Variants in KCNQ1 observed in about 807,000 individuals in gnomAD.
The protein encoded by KCNQ1 is potassium voltage-gated channel subfamily KQT member 1.
KCNQ1 carries 49 observed loss-of-function variants against 72.4 expected under a neutral mutation model. The ratio of observed to expected loss-of-function variants is 0.68; its 90% confidence interval spans 0.54 to 0.86. KCNQ1 has a LOEUF of 0.86. Ranked by LOEUF, KCNQ1 falls within the 40% of genes least tolerant of loss-of-function variation. The probability of loss-of-function intolerance (pLI) is 0.00; values close to 1 mark genes in which losing one functional copy is unlikely to be tolerated. For synonymous variants in KCNQ1, 450 were observed against 412.6 expected, an observed-to-expected ratio of 1.09 and a Z score of -1.10; for missense variants, 790 against 945.1, an observed-to-expected ratio of 0.84 and a Z score of 2.15.
Position 2,538,482 on chromosome 11 carries a change from G to A in KCNQ1, c.477+10464G>A, listed in dbSNP as rs60705296. ...GCCAGGTCCCCTGTCCCAGGACCGC[G>A]GTTGACAGGGTTTGGATTGGCTGCG... On this transcript the variant is annotated intron_variant, in intron 2 of 15. Transcript: ENST00000155840. The surrounding 1 kb of genome is among the most constrained non-coding windows in gnomAD (Gnocchi z 6.7). Among the ~76,000 whole-genome samples the A allele has an allele frequency of 0.14, 20,963 of 152,178 alleles. 1,621 individuals carry two copies. The highest frequency in any genetic ancestry group is 0.3 in the East Asian group (1,545 of 5,156).
rs74048686 is a variant in KCNQ1, at chr11:2,563,332, G to A, written c.478-7296G>A. 6.6e-6 allele frequency among the ~76,000 whole-genome samples: 1 copy of A among 152,172 alleles called. No homozygotes were observed. The highest frequency in any genetic ancestry group is 1.5e-5 in the Non-Finnish European group (1 of 68,038). ...TTGAGCCAAAGTGCGACCTTTCCCCGCTCTGTTCACTCGGAGACTAAAAAT... is the reference window on the plus strand; with the variant it reads ...TTGAGCCAAAGTGCGACCTTTCCCCACTCTGTTCACTCGGAGACTAAAAAT... On this transcript the variant is annotated intron_variant, in intron 2 of 15. Coordinates refer to ENST00000155840, the MANE Select transcript of KCNQ1 (RefSeq NM_000218.3). This position sits in a 1 kb window ranked among gnomAD's most constrained non-coding sequence, Gnocchi z 7.4.
At chr11:2,705,842 A>G (rs1193084596) in intron 11 of KCNQ1, among the ~76,000 whole-genome samples, 1 of 152,204 alleles carries the variant, frequency 6.6e-6, no homozygotes, top group Non-Finnish European at 1.5e-5. Flanking sequence ...CGGTATTTGT[A>G]GTGAGAACAG....
At chr11:2,514,244 C>A (rs1847254039) in intron 1 of KCNQ1, among the ~76,000 whole-genome samples, 1 of 152,352 alleles carries the variant, frequency 6.6e-6, no homozygotes, top group African/African-American at 2.4e-5. Flanking sequence ...TGGCTGCCTC[C>A]CAGCTCACTC....
chr11:2,531,536 T>C (rs924947499), intron 2 of KCNQ1, among the ~76,000 whole-genome samples: 1 of 152,186 alleles, frequency 6.6e-6, no homozygotes. Context: ...GCCCACTGTC[T>C]GCGCATCCCT....
chr11:2,664,907 C>T lies in KCNQ1; in HGVS notation c.1514+2826C>T, dbSNP rs925832188. The T allele has an allele frequency of 5.0e-6, 2 of 398,528 alleles. No homozygotes were observed. The highest frequency in any genetic ancestry group is 8.8e-6 in the Non-Finnish European group (2 of 226,094). 24.7% of individuals were successfully genotyped at this position (398,528 alleles called of 1,614,324 possible). A position where few individuals can be genotyped will look rare whatever the true frequency, so the allele number is the denominator to read the frequency against. On this transcript the variant is annotated intron_variant, in intron 11 of 15. Coordinates refer to ENST00000155840, the MANE Select transcript of KCNQ1 (RefSeq NM_000218.3). The surrounding 1 kb of genome is among the most constrained non-coding windows in gnomAD (Gnocchi z 5.1). ...ATAAAGACACATTTTGTTTCCATCT[C>T]GAGCTCTCCCCGCCCGCAGGGCCCC...
chr11:2,728,215 G>A (rs916662579), intron 11 of KCNQ1, among the ~76,000 whole-genome samples: 5 of 152,080 alleles, frequency 3.3e-5, no homozygotes, highest in South Asian at 2.1e-4. Flanking sequence ...GCGGCCACTC[G>A]CCCACCCTTC....
chr11:2,743,678 G>A (rs1846094304), intron 11 of KCNQ1, among the ~76,000 whole-genome samples: 1 of 152,206 alleles, frequency 6.6e-6, no homozygotes, highest in African/African-American at 2.4e-5. Flanking sequence ...GCTACATAGG[G>A]TCAGATTCAC....
chr11:2,676,361 C>T lies in KCNQ1; in HGVS notation c.1514+14280C>T, dbSNP rs1360489988. On this transcript the variant is annotated intron_variant, in intron 11 of 15. Coordinates refer to ENST00000155840, the MANE Select transcript of KCNQ1 (RefSeq NM_000218.3). The surrounding 1 kb of genome is among the most constrained non-coding windows in gnomAD (Gnocchi z 4.2). ...TGCTGTTTTCTCATGGTTGGGCTTC[C>T]AGTATAATTGGAAGGAGCATAGTCT... 5.0e-6 allele frequency: 2 copies of T among 398,484 alleles called. No individual in the cohort carries two copies. The highest frequency in any genetic ancestry group is 8.8e-6 in the Non-Finnish European group (2 of 226,092). 24.7% of individuals were successfully genotyped at this position (398,484 alleles called of 1,614,324 possible).
chr11:2,806,117 G>A (rs1847367276), intron 15 of KCNQ1, among the ~76,000 whole-genome samples: 1 of 152,178 alleles, frequency 6.6e-6, no homozygotes, highest in African/African-American at 2.4e-5. Context: ...TTCTGGGGTG[G>A]GAGGTGGTGC....
intron 15 of KCNQ1, among the ~76,000 whole-genome samples, chr11:2,805,102 C>A (rs1433706764): frequency 6.6e-6 from 1 of 152,228 alleles, no homozygotes; most frequent in Non-Finnish European, 1.5e-5. Flanking sequence ...AGCTGCCGGA[C>A]AAGCCCTCTG....
chr11:2,527,384 G>C (rs1405296717), intron 1 of KCNQ1, among the ~76,000 whole-genome samples: 1 of 152,210 alleles, frequency 6.6e-6, no homozygotes, highest in Non-Finnish European at 1.5e-5. Context: ...AGGGGGCGTT[G>C]ACTGCTCTCT....
chr11:2,639,376 A>G (rs576314379), intron 10 of KCNQ1: 1 of 152,308 alleles, frequency 6.6e-6, no homozygotes, highest in Admixed American at 6.5e-5. Flanking sequence ...ATGGTGACGT[A>G]TAGATGGAGT....
intron 11 of KCNQ1, chr11:2,667,953 C>A (rs548415001): frequency 4.8e-5 from 19 of 398,584 alleles, no homozygotes; most frequent in Non-Finnish European, 8.0e-5. Flanking sequence ...CAACAGAACC[C>A]CCAGAAAGCC....
At chr11:2,615,235 AAAAT>A in intron 10 of KCNQ1, 1 of 398,152 alleles carries the variant, frequency 2.5e-6, no homozygotes, top group Non-Finnish European at 4.4e-6. Context: ...TGATTTTCTT[AAAAT>A]AAATGTTGAA....
chr11:2,643,526 T>C (rs1489544918), intron 10 of KCNQ1: 1 of 398,402 alleles, frequency 2.5e-6, no homozygotes. Context: ...CATTCCTTTC[T>C]TTCAACTATG....
At chr11:2,807,580 C>A (rs1847405862) in intron 15 of KCNQ1, among the ~76,000 whole-genome samples, 1 of 152,212 alleles carries the variant, frequency 6.6e-6, no homozygotes, top group Non-Finnish European at 1.5e-5. Context: ...CTCCTCGGGC[C>A]CAGCCTACCA....
intron 11 of KCNQ1, among the ~76,000 whole-genome samples, chr11:2,721,788 G>A (rs1281803698): frequency 1.3e-5 from 2 of 152,248 alleles, no homozygotes; most frequent in Non-Finnish European, 2.9e-5. Context: ...CTGGCTGGAG[G>A]CTGACCGAGC....
At chr11:2,714,067 G>A (rs561009881) in intron 11 of KCNQ1, among the ~76,000 whole-genome samples, 19 of 152,234 alleles carry the variant, frequency 1.2e-4, no homozygotes, top group Admixed American at 1.0e-3. Flanking sequence ...GAGATAGAGC[G>A]CCAAGGATGC....
At position 2,471,663 on chromosome 11, in the gene KCNQ1, T is replaced by C. The variant is rs1381655314; in HGVS notation, c.386+26179T>C. Among the ~76,000 whole-genome samples the C allele has an allele frequency of 3.9e-5, 6 of 151,920 alleles. No homozygotes were observed. Among genetic ancestry groups the C allele is most frequent in the Admixed American group, 3.3e-4 (5 of 15,268 alleles). ...GTGTGTACACATGTGTATGGGTGTG[T>C]GCATGGGTGTGCACATGTGTATGGG... On this transcript the variant is annotated intron_variant, in intron 1 of 15. Transcript: ENST00000155840. The surrounding 1 kb of genome is among the most constrained non-coding windows in gnomAD (Gnocchi z 4.8).
Sources: allele counts gnomAD v4.1 joint callset (sites outside exome capture counted in the v4.1 genomes callset), GRCh38; gene constraint gnomAD v4.1.1; non-coding constraint Gnocchi (gnomAD v3.1); transcripts MANE v1.5; gene names NCBI Gene and HGNC (gene_info 2026-07-23, HGNC 2026-07-21).